Variants in PTPRT observed in about 807,000 individuals in gnomAD.
PTPRT encodes protein tyrosine phosphatase receptor type T, also known as receptor-type tyrosine-protein phosphatase T.
PTPRT carries 56 observed loss-of-function variants against 176.8 expected under a neutral mutation model. That is an observed-to-expected ratio of 0.32 (90% CI 0.26 to 0.40). The LOEUF (loss-of-function observed/expected upper bound fraction) is 0.40. Ranked by LOEUF, PTPRT falls within the 10% of genes least tolerant of loss-of-function variation. The pLI is 1.00. For synonymous variants in PTPRT, 783 were observed against 739.0 expected, an observed-to-expected ratio of 1.06 and a Z score of -0.96; for missense variants, 1,540 against 1,908.2, an observed-to-expected ratio of 0.81 and a Z score of 3.60.
chr20:42,883,829 C>CACAT (rs2079057231), intron 2 of PTPRT, among the ~76,000 whole-genome samples: 1 of 15,742 alleles, frequency 6.4e-5, no homozygotes, highest in African/African-American at 1.7e-4. Context: ...TGCACACACA[C>CACAT]ACACCCCCAT....
intron 7 of PTPRT, among the ~76,000 whole-genome samples, chr20:42,615,308 T>G (rs1471481273): frequency 2.9e-5 from 4 of 137,820 alleles, no homozygotes; most frequent in African/African-American, 9.5e-5. Flanking sequence ...GGTGTATATG[T>G]GCCACAATTT....
At chr20:43,078,741 T>C (rs1454652778) in intron 1 of PTPRT, among the ~76,000 whole-genome samples, 1 of 152,240 alleles carries the variant, frequency 6.6e-6, no homozygotes, top group Non-Finnish European at 1.5e-5. Context: ...ACCATCAATC[T>C]GTTGTTAAGC....
intron 7 of PTPRT, among the ~76,000 whole-genome samples, chr20:42,633,781 G>GAAAAAAAAAAAA (rs757072641): frequency 1.8e-4 from 6 of 32,866 alleles, no homozygotes; most frequent in African/African-American, 1.1e-3. Flanking sequence ...GCAAGACTCT[G>GAAAAAAAAAAAA]AAAATATATA....
chr20:43,163,829 A>C (rs945124570), intron 1 of PTPRT, among the ~76,000 whole-genome samples: 2 of 152,302 alleles, frequency 1.3e-5, no homozygotes, highest in Non-Finnish European at 2.9e-5. Context: ...AAAGAAGTGG[A>C]GAGGAGAGGG....
At chr20:42,711,729 G>A (rs62205381) in intron 6 of PTPRT, among the ~76,000 whole-genome samples, 29,103 of 151,634 alleles carry the variant, frequency 0.19, 2,867 homozygotes, top group African/African-American at 0.23. Context: ...CAAGGAATAT[G>A]AACAAATTGA....
At chr20:42,201,352 T>C (rs1305796558) in intron 15 of PTPRT, among the ~76,000 whole-genome samples, 1 of 152,072 alleles carries the variant, frequency 6.6e-6, no homozygotes, top group Non-Finnish European at 1.5e-5. Flanking sequence ...AACCTCAGCT[T>C]AGAAGTGTTT....
At chr20:43,102,703 T>C (rs1453997526) in intron 1 of PTPRT, among the ~76,000 whole-genome samples, 1 of 152,130 alleles carries the variant, frequency 6.6e-6, no homozygotes, top group Non-Finnish European at 1.5e-5. Flanking sequence ...GGTGGGCAAT[T>C]ATGAGTCTCT....
At chr20:43,145,634 C>T (rs527893720) in intron 1 of PTPRT, among the ~76,000 whole-genome samples, 2 of 152,330 alleles carry the variant, frequency 1.3e-5, no homozygotes, top group East Asian at 3.9e-4. Flanking sequence ...ACACTTTCAG[C>T]TTCCATTTTT....
At chr20:43,172,485 CAATGAGCA>C (rs2015025823) in intron 1 of PTPRT, among the ~76,000 whole-genome samples, 1 of 152,192 alleles carries the variant, frequency 6.6e-6, no homozygotes, top group Non-Finnish European at 1.5e-5. Context: ...CCTGCGTTTT[CAATGAGCA>C]CTGAAGGTCC....
At chr20:42,409,306 C>T (rs1007374136) in intron 9 of PTPRT, among the ~76,000 whole-genome samples, 3 of 151,504 alleles carry the variant, frequency 2.0e-5, no homozygotes, top group African/African-American at 7.3e-5. Flanking sequence ...TACAGTGAAA[C>T]CCTGTCTCTA....
chr20:42,400,360 G>T (rs1223797102), intron 9 of PTPRT, among the ~76,000 whole-genome samples: 2 of 152,024 alleles, frequency 1.3e-5, no homozygotes, highest in Admixed American at 6.6e-5. Context: ...GCCATATTTT[G>T]CTAGGTCCTA....
intron 1 of PTPRT, among the ~76,000 whole-genome samples, chr20:43,120,438 A>G (rs890669848): frequency 6.6e-6 from 1 of 152,036 alleles, no homozygotes; most frequent in African/African-American, 2.4e-5. Context: ...CGTCCGGCTA[A>G]TTGTTTGTAT....
chr20:42,936,677 G>A (rs553301255), intron 1 of PTPRT, among the ~76,000 whole-genome samples: 4 of 152,290 alleles, frequency 2.6e-5, no homozygotes, highest in East Asian at 1.9e-4. Flanking sequence ...CAATGATGAC[G>A]TAATCTGGGG....
rs1982889777 is a variant in PTPRT at position 42,077,491 on chromosome 20, C to T, written c.*3388G>A. 2 of 221,910 alleles carry T rather than the reference C, an allele frequency of 9.0e-6. No homozygotes were observed. The highest frequency in any genetic ancestry group is 1.8e-5 in the Non-Finnish European group (2 of 110,874). 13.7% of individuals were successfully genotyped at this position (221,910 alleles called of 1,614,324 possible). ...AATATTTTCCTCTGCTCATGACAGGCTGAGCTCACCCTGTAAATGGGGTGG... is the reference window on the plus strand; with the variant it reads ...AATATTTTCCTCTGCTCATGACAGGTTGAGCTCACCCTGTAAATGGGGTGG... On this transcript the variant is annotated 3_prime_UTR_variant, in exon 31 of 31. Coordinates refer to ENST00000373187, the MANE Select transcript of PTPRT (RefSeq NM_007050.6).
Position 42,472,486 on chromosome 20 carries a change from G to A in PTPRT, c.1230C>T (p.Phe410=), listed in dbSNP as rs778297716. ...ARQLTLQWEP[F]GYAVTRCHSY... The stretch of plus-strand genomic sequence containing the variant: ...TATGGCAGCGGGTCACCGCGTAGCC[G>A]AAGGGCTCCCACTGCAGGGTCAGCT... The change falls in exon 8 of 31, where the codon TTC becomes TTT. Residue 410 remains phenylalanine (F), a synonymous_variant. Transcript: ENST00000373187. 24 of 1,614,248 alleles carry A rather than the reference G, an allele frequency of 1.5e-5. No individual in the cohort carries two copies. The highest frequency in any genetic ancestry group is 5.3e-5 in the African/African-American group (4 of 75,070).
intron 1 of PTPRT, among the ~76,000 whole-genome samples, chr20:43,072,904 C>A (rs1052682735): frequency 6.6e-6 from 1 of 152,164 alleles, no homozygotes; most frequent in Non-Finnish European, 1.5e-5. Context: ...AGCTCACATC[C>A]TTTTAAGTTT....
chr20:42,553,475 T>C (rs1406766909), intron 7 of PTPRT, among the ~76,000 whole-genome samples: 1 of 152,116 alleles, frequency 6.6e-6, no homozygotes, highest in Admixed American at 6.6e-5. Flanking sequence ...TCTTCCTTTC[T>C]CCTTTCCCCC....
chr20:42,842,392 CA>C, intron 2 of PTPRT, among the ~76,000 whole-genome samples: 1 of 152,296 alleles, frequency 6.6e-6, no homozygotes, highest in African/African-American at 2.4e-5. Flanking sequence ...ACTGCTATAA[CA>C]AAATGCCTTA....
intron 12 of PTPRT, among the ~76,000 whole-genome samples, chr20:42,287,102 G>A (rs2057242923): frequency 6.6e-6 from 1 of 151,902 alleles, no homozygotes; most frequent in Non-Finnish European, 1.5e-5. Context: ...TGCTGAGGAT[G>A]TGCAGAAAAG....
Sources: gnomAD v4.1 joint callset for allele counts (sites outside exome capture counted in the v4.1 genomes callset) on GRCh38, gnomAD v4.1.1 for gene constraint, MANE v1.5 for transcripts, NCBI Gene and HGNC (gene_info 2026-07-23, HGNC 2026-07-21) for gene names.